MAGI3: variants seen among roughly 807,000 people sequenced by gnomAD.
MAGI3 encodes membrane associated guanylate kinase, WW and PDZ domain containing 3.
Under a neutral mutation model 121.8 loss-of-function variants are expected in MAGI3, and 43 were observed. The ratio of observed to expected loss-of-function variants is 0.35; its 90% confidence interval spans 0.28 to 0.46. The LOEUF is 0.46. MAGI3 is among the 20% of genes least tolerant of loss of function. The pLI, the probability that MAGI3 is intolerant of heterozygous loss-of-function variation, is 1.00. For synonymous variants in MAGI3, 553 were observed against 639.3 expected (o/e 0.86, Z 2.04); for missense variants, 1,547 against 1,797.3 (o/e 0.86, Z 2.52).
chr1:113,598,734 T>G (rs1391362219), intron 6 of MAGI3, among the ~76,000 whole-genome samples: 1 of 152,100 alleles, frequency 6.6e-6, no homozygotes, highest in Non-Finnish European at 1.5e-5. Context: ...AGTAGGGGAC[T>G]TCAACACTCC....
chr1:113,455,728 T>C (rs943140900), intron 1 of MAGI3, among the ~76,000 whole-genome samples: 1 of 152,162 alleles, frequency 6.6e-6, no homozygotes, highest in African/African-American at 2.4e-5. Flanking sequence ...CCCTGTGCCA[T>C]CTGCTCTCAT....
At chr1:113,623,453 T>TACAC (rs796174057) in intron 9 of MAGI3, among the ~76,000 whole-genome samples, 17,733 of 125,958 alleles carry the variant, frequency 0.14, 1,500 homozygotes, top group Non-Finnish European at 0.18. Context: ...TACACACACA[T>TACAC]ACACACACAC....
intron 15 of MAGI3, among the ~76,000 whole-genome samples, chr1:113,654,342 A>G (rs1217685012): frequency 2.0e-5 from 3 of 152,218 alleles, no homozygotes; most frequent in Admixed American, 1.3e-4. Flanking sequence ...AAATGGGGAC[A>G]TAGGTTTTGA....
intron 2 of MAGI3, among the ~76,000 whole-genome samples, chr1:113,571,674 C>T (rs2101704293): frequency 6.6e-6 from 1 of 152,258 alleles, no homozygotes; most frequent in South Asian, 2.1e-4. Flanking sequence ...GGAGTTCACT[C>T]ATGATTTGGC....
At chr1:113,541,145 A>G (rs1300669589) in intron 1 of MAGI3, among the ~76,000 whole-genome samples, 2 of 152,220 alleles carry the variant, frequency 1.3e-5, no homozygotes, top group Non-Finnish European at 2.9e-5. Flanking sequence ...CTTTCTGGGC[A>G]TGTGTAAGGA....
rs142612672 is a variant in MAGI3, at chr1:113,503,825, C to T, written c.317-45690C>T. 2.7e-3 allele frequency among the ~76,000 whole-genome samples: 414 copies of T among 152,038 alleles called. 7 individuals carry two copies. The highest frequency in any genetic ancestry group is 0.025 in the Admixed American group (374 of 15,244). On this transcript the variant is annotated intron_variant, in intron 1 of 20. Transcript: ENST00000307546. Reference sequence around the variant, plus strand: ...CTGGGAATGACATGAATAGAAACTTCTGGAAAATGGAATGGTAAGGTCTAG... The same window carrying T: ...CTGGGAATGACATGAATAGAAACTTTTGGAAAATGGAATGGTAAGGTCTAG...
chr1:113,682,011 TACCCC>T (rs1200720768), intron 20 of MAGI3, among the ~76,000 whole-genome samples: 1 of 141,544 alleles, frequency 7.1e-6, no homozygotes, highest in Non-Finnish European at 1.6e-5. Flanking sequence ...CCTCCTGCCC[TACCCC>T]ACCCCACCCC....
At chr1:113,439,549 A>T (rs1653810206) in intron 1 of MAGI3, among the ~76,000 whole-genome samples, 1 of 152,066 alleles carries the variant, frequency 6.6e-6, no homozygotes, top group South Asian at 2.1e-4. Context: ...CTTTAAGATG[A>T]CTATACTGTA....
intron 2 of MAGI3, among the ~76,000 whole-genome samples, chr1:113,576,534 G>T (rs964783334): frequency 6.6e-6 from 1 of 152,152 alleles, no homozygotes; most frequent in South Asian, 2.1e-4. Context: ...ACCTCAGTTG[G>T]AAATGGAGAA....
intron 1 of MAGI3, among the ~76,000 whole-genome samples, chr1:113,509,109 GGTTT>G (rs747228765): frequency 2.5e-4 from 38 of 151,912 alleles, no homozygotes; most frequent in Admixed American, 5.9e-4. Context: ...TTGATATAAG[GGTTT>G]GTTTTTTTGT....
In MAGI3 at chr1:113,391,243, G is replaced by C. The variant is rs770214212; in HGVS notation, c.210G>C (p.Val70=). ...GCAAGGCGCCCAGCCCAGGCGATGT[G>C]CTGCTGGAGGTAAACGGGACGCCTG... ...VSGKAPSPGD[V]LLEVNGTPVS... is the part of the protein sequence containing the mutation. The change falls in exon 1 of 21, where the codon GTG becomes GTC. Residue 70 remains valine (V), a synonymous_variant. Transcript: ENST00000307546. The surrounding 1 kb of genome is among the most constrained non-coding windows in gnomAD (Gnocchi z 4.4). 6.4e-7 allele frequency: 1 copy of C among 1,573,068 alleles called. No homozygotes were observed. The highest frequency in any genetic ancestry group is 1.2e-5 in the South Asian group (1 of 85,776).
intron 1 of MAGI3, among the ~76,000 whole-genome samples, chr1:113,411,589 T>C (rs1651991240): frequency 6.6e-6 from 1 of 152,130 alleles, no homozygotes; most frequent in African/African-American, 2.4e-5. Flanking sequence ...ACGATGATTA[T>C]TAAAAAACTG....
intron 1 of MAGI3, among the ~76,000 whole-genome samples, chr1:113,537,276 G>A (rs1348096616): frequency 1.3e-5 from 2 of 152,126 alleles, no homozygotes; most frequent in Non-Finnish European, 2.9e-5. Flanking sequence ...GGGAATTTTT[G>A]CTTTCCCTGT....
chr1:113,639,242 A>G (rs577627100), intron 9 of MAGI3, among the ~76,000 whole-genome samples: 1 of 152,064 alleles, frequency 6.6e-6, no homozygotes, highest in Non-Finnish European at 1.5e-5. Flanking sequence ...TGCACCCACT[A>G]TCCTGCACCC....
chr1:113,534,514 A>T (rs1191576562), intron 1 of MAGI3, among the ~76,000 whole-genome samples: 1 of 151,898 alleles, frequency 6.6e-6, no homozygotes, highest in Non-Finnish European at 1.5e-5. Context: ...TCATTCTTCC[A>T]GTCTATGTTG....
intron 1 of MAGI3, among the ~76,000 whole-genome samples, chr1:113,426,827 G>T (rs2101404607): frequency 6.6e-6 from 1 of 151,968 alleles, no homozygotes; most frequent in African/African-American, 2.4e-5. Flanking sequence ...CATCTTTTTT[G>T]TATGCATGCT....
chr1:113,453,646 A>G (rs1224503031), intron 1 of MAGI3, among the ~76,000 whole-genome samples: 14 of 152,230 alleles, frequency 9.2e-5, no homozygotes, highest in Admixed American at 8.5e-4. Flanking sequence ...CATGTTTTAA[A>G]CAGGAAATGT....
intron 1 of MAGI3, among the ~76,000 whole-genome samples, chr1:113,469,982 T>G (rs1655465541): frequency 6.6e-6 from 1 of 152,154 alleles, no homozygotes; most frequent in Admixed American, 6.5e-5. Flanking sequence ...ATATGCTAAG[T>G]TTATCTGTTT....
At chr1:113,613,065 T>G (rs1197477813) in intron 6 of MAGI3, among the ~76,000 whole-genome samples, 2 of 152,126 alleles carry the variant, frequency 1.3e-5, no homozygotes, top group Non-Finnish European at 2.9e-5. Flanking sequence ...ACTGTTATAG[T>G]GCAGTTTTAC....
Sources: allele counts gnomAD v4.1 joint callset (sites outside exome capture counted in the v4.1 genomes callset), GRCh38; gene constraint gnomAD v4.1.1; non-coding constraint Gnocchi (gnomAD v3.1); transcripts MANE v1.5; gene names NCBI Gene and HGNC (gene_info 2026-07-23, HGNC 2026-07-21).